CLIP1: variants seen among roughly 807,000 people sequenced by gnomAD.
The protein encoded by CLIP1 is CAP-Gly domain containing linker protein 1.
A neutral mutation model predicts 161.6 loss-of-function variants in CLIP1; 66 were observed. That is an observed-to-expected ratio of 0.41 (90% CI 0.33 to 0.50). CLIP1 has a LOEUF of 0.50. Among genes scored for constraint, CLIP1 ranks in the 20% least tolerant of loss-of-function variants. The pLI, the probability that CLIP1 is intolerant of heterozygous loss-of-function variation, is 0.27. For missense variants in CLIP1, 1,376 were observed against 1,702.0 expected, an observed-to-expected ratio of 0.81 and a Z score of 3.37; for synonymous variants, 598 against 626.2, an observed-to-expected ratio of 0.96 and a Z score of 0.67.
chr12:122,344,091 C>G (rs1279071272), intron 10 of CLIP1: 1 of 152,124 alleles, frequency 6.6e-6, no homozygotes, highest in Non-Finnish European at 1.5e-5. Context: ...ATTTAAGACT[C>G]CTCTCCCACA....
At chr12:122,400,193 T>A (rs1956093766) in intron 1 of CLIP1, 2 of 152,298 alleles carry the variant, frequency 1.3e-5, no homozygotes, top group African/African-American at 4.8e-5. Context: ...GCTATTTGAT[T>A]TTCTTCCTTC....
At chr12:122,362,713 TAAAA>T (rs34046739) in intron 4 of CLIP1, among the ~76,000 whole-genome samples, 2,279 of 105,784 alleles carry the variant, frequency 0.022, 61 homozygotes, top group African/African-American at 0.045. Context: ...AAAAATATGA[TAAAA>T]AAAAAAAAAA....
rs551589031 is a variant in CLIP1 at position 122,355,995 on chromosome 12, G to A, written c.1006-683C>T. On this transcript the variant is annotated intron_variant, in intron 5 of 25. Coordinates refer to ENST00000620786, the MANE Select transcript of CLIP1 (RefSeq NM_001247997.2). This position sits in a 1 kb window ranked among gnomAD's most constrained non-coding sequence, Gnocchi z 4.1. ...CTCTTCTCTTCATCGGTTTCCCTAG[G>A]CCCTTACTGCAAGATGCACAGGATG... The A allele has an allele frequency of 1.3e-5, 2 of 152,254 alleles. No individual in the cohort carries two copies. Among genetic ancestry groups the A allele is most frequent in the African/African-American group, 2.4e-5 (1 of 41,548 alleles). The allele number at this position is 152,254 out of a possible 1,614,324, so 9.4% of individuals were successfully genotyped here. A position where few individuals can be genotyped will look rare whatever the true frequency, so the allele number is the denominator to read the frequency against.
chr12:122,312,620 T>G (rs553859534), intron 19 of CLIP1, among the ~76,000 whole-genome samples: 12 of 152,174 alleles, frequency 7.9e-5, no homozygotes, highest in African/African-American at 2.9e-4. Context: ...AAAAATTAGT[T>G]GGGCGTGGTG....
At chr12:122,347,085 T>C (rs940987633) in intron 10 of CLIP1, among the ~76,000 whole-genome samples, 1 of 152,258 alleles carries the variant, frequency 6.6e-6, no homozygotes, top group African/African-American at 2.4e-5. Flanking sequence ...ATGGTATTAA[T>C]ATAAATAACT....
At chr12:122,335,646 A>C (rs941337490) in intron 12 of CLIP1, among the ~76,000 whole-genome samples, 1 of 152,040 alleles carries the variant, frequency 6.6e-6, no homozygotes, top group African/African-American at 2.4e-5. Context: ...ATCTCTACTA[A>C]AAATACAAAA....
At chr12:122,322,159 C>T (rs1237303791) in intron 17 of CLIP1, 1 of 152,594 alleles carries the variant, frequency 6.6e-6, no homozygotes, top group African/African-American at 2.4e-5. Flanking sequence ...TAAGAGTAAG[C>T]TTGTTCTTGT....
At chr12:122,385,226 C>T (rs1430518105) in intron 1 of CLIP1, among the ~76,000 whole-genome samples, 3 of 152,044 alleles carry the variant, frequency 2.0e-5, no homozygotes, top group Non-Finnish European at 2.9e-5. Flanking sequence ...ACACCGCACA[C>T]GGCCGATGGT....
chr12:122,372,464 C>G (rs1333397277), intron 3 of CLIP1, among the ~76,000 whole-genome samples: 1 of 151,114 alleles, frequency 6.6e-6, no homozygotes, highest in Non-Finnish European at 1.5e-5. Flanking sequence ...TGCCTGTAAT[C>G]CCAGCTACGC....
chr12:122,418,928 G>A (rs750078325), intron 1 of CLIP1, among the ~76,000 whole-genome samples: 4 of 152,086 alleles, frequency 2.6e-5, no homozygotes, highest in African/African-American at 4.8e-5. Flanking sequence ...TGAAAGTCTC[G>A]ATTTAGTTAA....
chr12:122,289,483 A>T (rs1210594523), intron 20 of CLIP1, among the ~76,000 whole-genome samples: 1 of 152,134 alleles, frequency 6.6e-6, no homozygotes, highest in Non-Finnish European at 1.5e-5. Flanking sequence ...CCTTTACTTA[A>T]ACCGCAGAAG....
rs531009188 is a variant in CLIP1 at position 122,362,368 on chromosome 12, A to G, written c.783-1187T>C. Among the ~76,000 whole-genome samples, 53 of 151,642 alleles carry G rather than the reference A, an allele frequency of 3.5e-4. No individual in the cohort carries two copies. The East Asian group carries it at 9.9e-3, about 28-fold the overall frequency. ...AAAATCTAGTTAAAAAAAAGAGGCC[A>G]GGCGCCGTGGCTCACGCCTGTAATA... On this transcript the variant is annotated intron_variant, in intron 4 of 25. Transcript: ENST00000620786.
intron 1 of CLIP1, among the ~76,000 whole-genome samples, chr12:122,421,512 G>T (rs1956941678): frequency 6.6e-6 from 1 of 152,122 alleles, no homozygotes; most frequent in Admixed American, 6.6e-5. Flanking sequence ...TCCTAAAAGA[G>T]GAAGAAGGCC....
At chr12:122,372,695 G>A (rs889692021) in intron 3 of CLIP1, among the ~76,000 whole-genome samples, 5 of 151,954 alleles carry the variant, frequency 3.3e-5, no homozygotes, top group African/African-American at 7.3e-5. Flanking sequence ...TGTTAGAAAC[G>A]ATCTCAAGAT....
chr12:122,291,742 T>C (rs1466655924), intron 20 of CLIP1, among the ~76,000 whole-genome samples: 1 of 152,224 alleles, frequency 6.6e-6, no homozygotes, highest in African/African-American at 2.4e-5. Context: ...ATCTTCCATG[T>C]TTCTCCACTG....
chr12:122,289,511 G>A lies in CLIP1; in HGVS notation c.3595-970C>T, dbSNP rs1956007408. Among the ~76,000 whole-genome samples, 4 of 152,044 alleles carry A rather than the reference G, an allele frequency of 2.6e-5. No homozygotes were observed. In the South Asian group the frequency reaches 8.3e-4, roughly 32 times the overall value. Reference sequence around the variant, plus strand: ...CGCAGAAGTCAAGTGTCACTAAATTGCAGAGGACTAGGTACAGGCTACATA... The same window carrying A: ...CGCAGAAGTCAAGTGTCACTAAATTACAGAGGACTAGGTACAGGCTACATA... On this transcript the variant is annotated intron_variant, in intron 20 of 25. Coordinates refer to ENST00000620786, the MANE Select transcript of CLIP1 (RefSeq NM_001247997.2).
intron 12 of CLIP1, among the ~76,000 whole-genome samples, chr12:122,335,572 C>T (rs961162926): frequency 6.6e-6 from 1 of 151,898 alleles, no homozygotes. Context: ...TTTGGGAGGC[C>T]GAGGAGGGCA....
chr12:122,274,162 T>A lies in CLIP1; in HGVS notation c.3967A>T (p.Ile1323Phe), dbSNP rs1244292491. 6.3e-7 allele frequency: 1 copy of A among 1,589,956 alleles called. No homozygotes were observed. The highest frequency in any genetic ancestry group is 8.6e-7 in the Non-Finnish European group (1 of 1,158,436). ...ACTATTACTGAATTTAGGAAATCAA[T>A]CTGATTTGTTAAAAAAAAAATGTGT... ...DEDERAQESQ[I>F]DFLNSVIVDL... The change falls in exon 25 of 26, where the codon ATT (isoleucine) becomes TTT (phenylalanine). Residue 1323 changes from isoleucine (I) to phenylalanine (F), a missense_variant and splice_region_variant. Coordinates refer to ENST00000620786, the MANE Select transcript of CLIP1 (RefSeq NM_001247997.2).
In CLIP1 at chr12:122,361,189, G is replaced by A; in HGVS notation, c.783-8C>T. 1.9e-6 allele frequency: 3 copies of A among 1,575,508 alleles called. No individual in the cohort carries two copies. The highest frequency in any genetic ancestry group is 2.6e-6 in the Non-Finnish European group (3 of 1,152,052). On this transcript the variant is annotated splice_polypyrimidine_tract_variant and splice_region_variant and intron_variant, in intron 4 of 25. Transcript: ENST00000620786. ...GGTTGACACTGAAAATACCTTTAGA[G>A]AACAATAAGAACAATAACAAAAAAC...
Sources: gnomAD v4.1 joint callset for allele counts (sites outside exome capture counted in the v4.1 genomes callset) on GRCh38, gnomAD v4.1.1 for gene constraint, Gnocchi (gnomAD v3.1) non-coding constraint, MANE v1.5 for transcripts, NCBI Gene and HGNC (gene_info 2026-07-23, HGNC 2026-07-21) for gene names.